CCDC141: variants seen among roughly 807,000 people sequenced by gnomAD.
The protein encoded by CCDC141 is coiled-coil domain containing 141, also known as coiled-coil domain-containing protein 141.
CCDC141 carries 168 observed loss-of-function variants against 181.0 expected under a neutral mutation model. The ratio of observed to expected loss-of-function variants is 0.93; its 90% CI spans 0.82 to 1.05. CCDC141 has a LOEUF of 1.05. Among genes scored for constraint, CCDC141 ranks in the 50% least tolerant of loss-of-function variants. The probability of loss-of-function intolerance (pLI) is 0.00; values close to 1 mark genes in which losing one functional copy is unlikely to be tolerated. For synonymous variants in CCDC141, 666 were observed against 642.3 expected (o/e 1.04, Z -0.56); for missense variants, 1,902 against 1,788.5 (o/e 1.06, Z -1.14).
chr2:178,833,126 A>C lies in CCDC141; in HGVS notation c.*1047T>G, dbSNP rs1684326706. ...ATAAAACATCACTTTCCTCCATGGA[A>C]CTAGTTGAAGATTACATATTAACAG... On this transcript the variant is annotated 3_prime_UTR_variant, in exon 24 of 24. Transcript: ENST00000443758. 1 of 152,206 alleles carries C rather than the reference A, an allele frequency of 6.6e-6. No homozygotes were observed. The highest frequency in any genetic ancestry group is 2.4e-5 in the African/African-American group (1 of 41,460). The allele number at this position is 152,206 out of a possible 1,614,324, so 9.4% of individuals were successfully genotyped here.
intron 8 of CCDC141, among the ~76,000 whole-genome samples, chr2:178,901,340 T>C (rs1273045479): frequency 6.6e-6 from 1 of 152,030 alleles, no homozygotes; most frequent in Non-Finnish European, 1.5e-5. Flanking sequence ...TGATGAATAT[T>C]GATGCAAAAA....
At chr2:178,851,224 A>T (rs1307871191) in intron 20 of CCDC141, among the ~76,000 whole-genome samples, 1 of 138,182 alleles carries the variant, frequency 7.2e-6, no homozygotes, top group Non-Finnish European at 1.5e-5. Context: ...AAAAAAAAAA[A>T]GGACTTCTTT....
In CCDC141 at chr2:179,049,823, G is replaced by C; in HGVS notation, c.102+17C>G. Reference sequence around the variant, plus strand: ...GAAGCCCACAGCCGCACAGAAAAAAGGAAGTTGTTAGCTTACCTTTATGAC... The same window carrying C: ...GAAGCCCACAGCCGCACAGAAAAAACGAAGTTGTTAGCTTACCTTTATGAC... On this transcript the variant is annotated intron_variant, in intron 1 of 23. Transcript: ENST00000443758. The C allele has an allele frequency of 1.3e-6, 2 of 1,550,500 alleles. No homozygotes were observed. The highest frequency in any genetic ancestry group is 2.4e-5 in the South Asian group (2 of 84,038).
At chr2:178,943,656 T>A (rs1379742063) in intron 6 of CCDC141, among the ~76,000 whole-genome samples, 1 of 152,150 alleles carries the variant, frequency 6.6e-6, no homozygotes, top group Non-Finnish European at 1.5e-5. Flanking sequence ...TAAATCTTGA[T>A]AGTGATTATT....
At chr2:178,864,872 C>T (rs1213683133) in intron 17 of CCDC141, among the ~76,000 whole-genome samples, 1 of 152,214 alleles carries the variant, frequency 6.6e-6, no homozygotes, top group Non-Finnish European at 1.5e-5. Context: ...CACCTTCTTT[C>T]CCAATGGACT....
At chr2:178,964,681 C>T (rs1264883469) in intron 4 of CCDC141, among the ~76,000 whole-genome samples, 1 of 152,134 alleles carries the variant, frequency 6.6e-6, no homozygotes, top group African/African-American at 2.4e-5. Context: ...CTTTCAGTTT[C>T]TTACGTTTTT....
At chr2:178,900,389 G>C (rs1331328768) in intron 8 of CCDC141, among the ~76,000 whole-genome samples, 1 of 152,138 alleles carries the variant, frequency 6.6e-6, no homozygotes, top group Non-Finnish European at 1.5e-5. Context: ...TGTCAAGGGA[G>C]TTTAATTTCA....
rs1185850393 is a variant in CCDC141, at chr2:178,871,424, C to T, written c.2205+3G>A. The stretch of plus-strand genomic sequence containing the variant: ...ACCCAAATCCAGCAATATATTTCTT[C>T]ACCTGGAACTGAGGCTTCATGTCAT... On this transcript the variant is annotated splice_donor_region_variant and intron_variant, in intron 14 of 23. Coordinates refer to ENST00000443758, the MANE Select transcript of CCDC141 (RefSeq NM_173648.4). The T allele has an allele frequency of 6.2e-7, 1 of 1,609,168 alleles. No individual in the cohort carries two copies. Among genetic ancestry groups the T allele is most frequent in the East Asian group, 2.2e-5 (1 of 44,712 alleles).
intron 2 of CCDC141, among the ~76,000 whole-genome samples, chr2:179,042,052 C>G (rs1170559069): frequency 6.6e-6 from 1 of 152,130 alleles, no homozygotes; most frequent in Non-Finnish European, 1.5e-5. Context: ...CTGAGTACAG[C>G]TCTGGATAAG....
intron 2 of CCDC141, among the ~76,000 whole-genome samples, chr2:179,007,257 C>A (rs920800765): frequency 6.6e-6 from 1 of 152,182 alleles, no homozygotes; most frequent in Non-Finnish European, 1.5e-5. Flanking sequence ...GCTGGAGAGA[C>A]AGAACCTTGA....
In CCDC141 at chr2:178,872,299, T is replaced by G. The variant is rs1422317827; in HGVS notation, c.1913A>C (p.Glu638Ala). ...CACTTCATTTTTCACATCTAATATCTCGTTCTCTTTTGCCTGTTAAATTAA... is the reference window on the plus strand; with the variant it reads ...CACTTCATTTTTCACATCTAATATCGCGTTCTCTTTTGCCTGTTAAATTAA... ...LNLINMAKEN[E>A]ILDVKNEVYL... The change falls in exon 13 of 24, where the codon GAG (glutamate) becomes GCG (alanine). Residue 638 changes from glutamate (E) to alanine (A), a missense_variant. By Grantham distance (107) the Glu-to-Ala change is moderately radical. Transcript: ENST00000443758. 1 of 1,610,916 alleles carries G rather than the reference T, an allele frequency of 6.2e-7. No homozygotes were observed. Among genetic ancestry groups the G allele is most frequent in the South Asian group, 1.1e-5 (1 of 90,028 alleles).
At chr2:178,855,687 A>G (rs1030024220) in intron 18 of CCDC141, 146 bp from the exon 19 acceptor site, 1 of 539,204 alleles carries the variant, frequency 1.9e-6, no homozygotes. Flanking sequence ...TATTATGGTA[A>G]GAATGGGTTT....
intron 4 of CCDC141, 65 bp downstream of exon 4, chr2:178,974,992 C>A (rs1382753836): frequency 7.0e-6 from 5 of 712,744 alleles, no homozygotes; most frequent in South Asian, 2.4e-5. Flanking sequence ...CATACATAAG[C>A]ATTCTCACAT....
At chr2:179,046,854 A>G (rs994466222) in intron 2 of CCDC141, among the ~76,000 whole-genome samples, 23 of 152,264 alleles carry the variant, frequency 1.5e-4, no homozygotes, top group Admixed American at 1.1e-3. Flanking sequence ...AACTCTTAAT[A>G]CTAAGCACAG....
intron 5 of CCDC141, among the ~76,000 whole-genome samples, chr2:178,954,653 A>G (rs1575262314): frequency 1.3e-5 from 2 of 152,118 alleles, no homozygotes; most frequent in South Asian, 4.1e-4. Flanking sequence ...GACACATCAC[A>G]TATTCAGACA....
intron 2 of CCDC141, among the ~76,000 whole-genome samples, chr2:179,034,849 T>C (rs2043096866): frequency 1.3e-5 from 2 of 152,244 alleles, no homozygotes; most frequent in African/African-American, 2.4e-5. Flanking sequence ...TTCTCTTTTG[T>C]AAATAGTCCA....
In CCDC141 at chr2:178,932,031, T is replaced by A. The variant is rs1689120198; in HGVS notation, c.897+12504A>T. Among the ~76,000 whole-genome samples, 3 of 152,042 alleles carry A rather than the reference T, an allele frequency of 2.0e-5. No homozygotes were observed. The South Asian group carries it at 6.2e-4, about 32-fold the overall frequency. Reference sequence around the variant, plus strand: ...AAATTAGCTGGGGCATGGTTATGCATGCTTGTAATCCCAGCTACTCAAGAG... The same window carrying A: ...AAATTAGCTGGGGCATGGTTATGCAAGCTTGTAATCCCAGCTACTCAAGAG... On this transcript the variant is annotated intron_variant, in intron 6 of 23. Coordinates refer to ENST00000443758, the MANE Select transcript of CCDC141 (RefSeq NM_173648.4).
chr2:178,839,049 T>A (rs1043941877), intron 22 of CCDC141, among the ~76,000 whole-genome samples: 1 of 152,214 alleles, frequency 6.6e-6, no homozygotes, highest in Non-Finnish European at 1.5e-5. Context: ...GAAAGTCACA[T>A]CTTGCCTTGC....
chr2:178,824,611 C>T, the CCDC141 span, among the ~76,000 whole-genome samples: 2 of 97,190 alleles, frequency 2.1e-5, no homozygotes, highest in Non-Finnish European at 3.7e-5. Context: ...AAGAGTGAGA[C>T]TTCGTCAAAA....
Sources: allele counts gnomAD v4.1 joint callset (sites outside exome capture counted in the v4.1 genomes callset), GRCh38; gene constraint gnomAD v4.1.1; transcripts MANE v1.5; gene names NCBI Gene and HGNC (gene_info 2026-07-23, HGNC 2026-07-21).